Variants in FRMD4A observed in about 807,000 individuals in gnomAD.
FRMD4A encodes FERM domain-containing protein 4A.
In FRMD4A, 29 loss-of-function variants were observed where a neutral mutation model predicts 129.1. That is an observed-to-expected ratio of 0.22 (90% CI 0.17 to 0.31). The LOEUF (loss-of-function observed/expected upper bound fraction) is 0.31. Ranked by LOEUF, FRMD4A falls within the 10% of genes least tolerant of loss-of-function variation. The pLI is 1.00. For missense variants in FRMD4A, 1,272 were observed against 1,375.8 expected (o/e 0.92, Z 1.19); for synonymous variants, 634 against 571.6 (o/e 1.11, Z -1.56).
intron 2 of FRMD4A, among the ~76,000 whole-genome samples, chr10:14,227,630 C>T (rs944200864): frequency 6.6e-6 from 1 of 151,992 alleles, no homozygotes; most frequent in Non-Finnish European, 1.5e-5. Context: ...ATGAGGTGTC[C>T]TCTTTTTGTT....
intron 2 of FRMD4A, among the ~76,000 whole-genome samples, chr10:14,279,772 T>C (rs1265982817): frequency 2.6e-5 from 4 of 152,152 alleles, no homozygotes; most frequent in Admixed American, 1.3e-4. Flanking sequence ...TACCACTCTA[T>C]GAGAAAGGGC....
rs2081971422 is a variant in FRMD4A at position 13,654,521 on chromosome 10, A to C, written c.2954-9T>G. 1.9e-6 allele frequency: 3 copies of C among 1,585,882 alleles called. No homozygotes were observed. Among genetic ancestry groups the C allele is most frequent in the Non-Finnish European group, 2.6e-6 (3 of 1,154,844 alleles). Reference sequence around the variant, plus strand: ...GCTTTGAGGTAAGGCAGCTACATGCAGGTGGTGCAAGAAAGGCAGAGAGCA... The same window carrying C: ...GCTTTGAGGTAAGGCAGCTACATGCCGGTGGTGCAAGAAAGGCAGAGAGCA... On this transcript the variant is annotated splice_polypyrimidine_tract_variant and intron_variant, in intron 22 of 24. Transcript: ENST00000357447.
chr10:13,925,647 G>A lies in FRMD4A; in HGVS notation c.46-66735C>T, dbSNP rs189471788. Reference sequence around the variant, plus strand: ...TGCCCAGGCTGGAGTGCGGTGGCGTGATCTCGGCTCACTGCAACTTCCGCC... The same window carrying A: ...TGCCCAGGCTGGAGTGCGGTGGCGTAATCTCGGCTCACTGCAACTTCCGCC... On this transcript the variant is annotated intron_variant, in intron 2 of 24. Transcript: ENST00000357447. 7.1e-3 allele frequency among the ~76,000 whole-genome samples: 956 copies of A among 134,108 alleles called. 6 individuals carry two copies. Among genetic ancestry groups the A allele is most frequent in the South Asian group, 0.033 (134 of 4,072 alleles). The allele number at this position is 134,108 out of a possible 152,430, so 88.0% of individuals were successfully genotyped here.
At chr10:13,657,787 G>GTT (rs1204181870) in intron 21 of FRMD4A, among the ~76,000 whole-genome samples, 6 of 110,960 alleles carry the variant, frequency 5.4e-5, no homozygotes, top group African/African-American at 2.2e-4. Context: ...TCGATTTCTG[G>GTT]GTTTTTTTTT....
chr10:13,992,546 A>G (rs1258415388), intron 2 of FRMD4A, among the ~76,000 whole-genome samples: 1 of 152,232 alleles, frequency 6.6e-6, no homozygotes, highest in African/African-American at 2.4e-5. Flanking sequence ...AAATGACACT[A>G]AACATCAGCC....
chr10:13,932,420 T>G (rs900517546), intron 2 of FRMD4A, among the ~76,000 whole-genome samples: 2 of 152,190 alleles, frequency 1.3e-5, no homozygotes, highest in Non-Finnish European at 2.9e-5. Flanking sequence ...CTGGACAAAC[T>G]CCAGGTTTCC....
At chr10:14,095,646 C>A (rs1836916085) in intron 2 of FRMD4A, among the ~76,000 whole-genome samples, 1 of 152,268 alleles carries the variant, frequency 6.6e-6, no homozygotes, top group East Asian at 1.9e-4. Flanking sequence ...TCTCCAAAAT[C>A]ATCATTCCTC....
At chr10:14,028,057 G>GA (rs1490982556) in intron 2 of FRMD4A, among the ~76,000 whole-genome samples, 3 of 152,222 alleles carry the variant, frequency 2.0e-5, no homozygotes, top group African/African-American at 7.2e-5. Context: ...CGGTATATGA[G>GA]AACATGGTGA....
intron 2 of FRMD4A, among the ~76,000 whole-genome samples, chr10:14,099,380 C>G (rs1407148187): frequency 6.6e-6 from 1 of 152,182 alleles, no homozygotes; most frequent in African/African-American, 2.4e-5. Flanking sequence ...TAATTACGAT[C>G]AGAATAGCTA....
At chr10:14,069,855 A>G (rs1237651188) in intron 2 of FRMD4A, among the ~76,000 whole-genome samples, 1 of 152,206 alleles carries the variant, frequency 6.6e-6, no homozygotes, top group East Asian at 1.9e-4. Context: ...CAGCTTTTAT[A>G]GAGAATTCTC....
intron 2 of FRMD4A, among the ~76,000 whole-genome samples, chr10:14,200,488 T>C (rs1156817990): frequency 6.6e-6 from 1 of 152,196 alleles, no homozygotes; most frequent in Non-Finnish European, 1.5e-5. Flanking sequence ...AGATGGGGTT[T>C]CACCATGTTG....
intron 2 of FRMD4A, among the ~76,000 whole-genome samples, chr10:14,048,902 G>GAATAGAATAT (rs1174889801): frequency 8.1e-6 from 1 of 122,708 alleles, no homozygotes. Context: ...GAATAGAATA[G>GAATAGAATAT]AAAATAAAAT....
At chr10:14,254,489 C>T (rs796349305) in intron 2 of FRMD4A, among the ~76,000 whole-genome samples, 7 of 152,266 alleles carry the variant, frequency 4.6e-5, no homozygotes, top group African/African-American at 1.7e-4. Flanking sequence ...ACAATCTCTC[C>T]TCTTATGTAT....
chr10:14,036,454 A>C (rs1833506696), intron 2 of FRMD4A, among the ~76,000 whole-genome samples: 1 of 152,210 alleles, frequency 6.6e-6, no homozygotes, highest in Admixed American at 6.5e-5. Context: ...GAGTCTGCAG[A>C]AAAGGGACAA....
chr10:13,952,235 T>C (rs2095377300), intron 2 of FRMD4A, among the ~76,000 whole-genome samples: 1 of 152,046 alleles, frequency 6.6e-6, no homozygotes. Flanking sequence ...TGGTGGCTCA[T>C]GTCTGTAATC....
chr10:14,019,899 CT>C (rs1832657417), intron 2 of FRMD4A, among the ~76,000 whole-genome samples: 1 of 152,184 alleles, frequency 6.6e-6, no homozygotes, highest in Admixed American at 6.5e-5. Context: ...TCCTCTGTTT[CT>C]TTTTTTCCTT....
intron 6 of FRMD4A, among the ~76,000 whole-genome samples, chr10:13,764,426 G>T (rs1192155819): frequency 6.6e-6 from 1 of 152,002 alleles, no homozygotes; most frequent in Non-Finnish European, 1.5e-5. Flanking sequence ...GGTCCCCTGA[G>T]CCTGCGGAGG....
At chr10:14,324,421 C>A (rs1309386623) in intron 2 of FRMD4A, among the ~76,000 whole-genome samples, 1 of 152,072 alleles carries the variant, frequency 6.6e-6, no homozygotes, top group Non-Finnish European at 1.5e-5. Context: ...TATGAATAAA[C>A]CAGAAAGATA....
At chr10:13,762,712 T>C in intron 6 of FRMD4A, 32 bp from the exon 7 acceptor site, 1 of 1,468,082 alleles carries the variant, frequency 6.8e-7, no homozygotes, top group Non-Finnish European at 9.5e-7. Context: ...CGAAGACAAG[T>C]TTGGTATTTA....
Sources: gnomAD v4.1 joint callset for allele counts (sites outside exome capture counted in the v4.1 genomes callset) on GRCh38, gnomAD v4.1.1 for gene constraint, MANE v1.5 for transcripts, NCBI Gene and HGNC (gene_info 2026-07-23, HGNC 2026-07-21) for gene names.